Variants in WWP2 observed in about 807,000 individuals in gnomAD.
WWP2 encodes NEDD4-like E3 ubiquitin-protein ligase WWP2.
Under a neutral mutation model 121.0 loss-of-function variants are expected in WWP2, and 57 were observed. The observed-to-expected ratio is 0.47, with a 90% CI of 0.38 to 0.59. The LOEUF is 0.59. Among genes scored for constraint, WWP2 ranks in the 20% least tolerant of loss-of-function variants. The pLI, the probability that WWP2 is intolerant of heterozygous loss-of-function variation, is 0.00. For missense variants in WWP2, 962 were observed against 1,158.9 expected (o/e 0.83, Z 2.47); for synonymous variants, 449 against 441.3 (o/e 1.02, Z -0.22).
intron 1 of WWP2, among the ~76,000 whole-genome samples, chr16:69,784,075 TTTTC>T (rs1363443752): frequency 3.2e-4 from 42 of 129,968 alleles, no homozygotes; most frequent in South Asian, 7.5e-4. Flanking sequence ...ACTCTTTTCT[TTTTC>T]TTTCTTTCTT....
At chr16:69,826,517 A>G (rs1168205134) in intron 4 of WWP2, among the ~76,000 whole-genome samples, 1 of 149,998 alleles carries the variant, frequency 6.7e-6, no homozygotes, top group Non-Finnish European at 1.5e-5. Context: ...GGTTGCAGTA[A>G]GCCGAAATAG....
chr16:69,937,423 C>T lies in WWP2; in HGVS notation c.2239-125C>T. The T allele has an allele frequency of 7.4e-7, 1 of 1,347,136 alleles. No individual in the cohort carries two copies. The highest frequency in any genetic ancestry group is 2.4e-5 in the East Asian group (1 of 41,486). The allele number at this position is 1,347,136 out of a possible 1,614,324, so 83.4% of individuals were successfully genotyped here. A position where few individuals can be genotyped will look rare whatever the true frequency, so the allele number is the denominator to read the frequency against. On this transcript the variant is annotated intron_variant, in intron 20 of 23. Coordinates refer to ENST00000359154, the MANE Select transcript of WWP2 (RefSeq NM_001270454.2). This position sits in a 1 kb window ranked among gnomAD's most constrained non-coding sequence, Gnocchi z 6.6. Reference sequence around the variant, plus strand: ...TCAAGAAAGCAGGGACTTACATTACCCATATTATTAACGCTGACACCAAAA... The same window carrying T: ...TCAAGAAAGCAGGGACTTACATTACTCATATTATTAACGCTGACACCAAAA...
chr16:69,815,783 T>C (rs2056478446), intron 4 of WWP2, among the ~76,000 whole-genome samples: 1 of 144,912 alleles, frequency 6.9e-6, no homozygotes. Context: ...CAAGACTCCG[T>C]CTCGAAAAAA....
chr16:69,930,062 C>T, intron 12 of WWP2, 68 bp from the exon 13 acceptor site: 1 of 1,605,378 alleles, frequency 6.2e-7, no homozygotes, highest in Non-Finnish European at 8.5e-7. Context: ...CTTTGAGGAC[C>T]CAGCCTCCAA....
rs1327246609 is a variant in WWP2, at chr16:69,903,779, AAAGAAAG to A, written c.915-4979_915-4973del. ...AAGAATCTGTCTCAAAAAAAAAAAAAAAGAAAGAAAGAAAAATGTGTTTAAGTTTTGT... is the reference window on the plus strand; with the variant it reads ...AAGAATCTGTCTCAAAAAAAAAAAAAAAAGAAAAATGTGTTTAAGTTTTGT... On this transcript the variant is annotated intron_variant, in intron 8 of 23. Transcript: ENST00000359154. 1.9e-3 allele frequency among the ~76,000 whole-genome samples: 293 copies of A among 152,024 alleles called. 6 individuals are homozygous for A. Among genetic ancestry groups the A allele is most frequent in the African/African-American group, 6.4e-3 (266 of 41,402 alleles).
At chr16:69,828,003 C>T (rs1173262240) in intron 4 of WWP2, 1 of 433,328 alleles carries the variant, frequency 2.3e-6, no homozygotes, top group South Asian at 1.7e-5. Context: ...GAGACTCCTT[C>T]TGGGGTACCT....
intron 6 of WWP2, among the ~76,000 whole-genome samples, chr16:69,855,374 C>G (rs548260221): frequency 6.6e-6 from 1 of 152,290 alleles, no homozygotes; most frequent in East Asian, 1.9e-4. Context: ...GCTGCAATGA[C>G]AGTCACCAAA....
At chr16:69,822,607 G>C (rs907901183) in intron 4 of WWP2, among the ~76,000 whole-genome samples, 1 of 151,968 alleles carries the variant, frequency 6.6e-6, no homozygotes, top group African/African-American at 2.4e-5. Flanking sequence ...TGGAGGAAGT[G>C]ACACCTGGAC....
At chr16:69,772,634 T>C (rs1026270372) in intron 1 of WWP2, among the ~76,000 whole-genome samples, 1 of 152,030 alleles carries the variant, frequency 6.6e-6, no homozygotes, top group African/African-American at 2.4e-5. Flanking sequence ...AGTTAAGGAG[T>C]GGGCTATTAG....
chr16:69,939,850 T>A lies in WWP2; in HGVS notation c.2523T>A (p.Arg841=). 6.2e-7 allele frequency: 1 copy of A among 1,613,748 alleles called. No individual in the cohort carries two copies. The highest frequency in any genetic ancestry group is 8.5e-7 in the Non-Finnish European group (1 of 1,179,866). ...WLPRSHTCFN[R]LDLPPYKSYE... ...TCCCCACTCTCAATAGCTTCAACCG[T>A]CTGGATCTTCCACCCTACAAGAGCT... is the stretch of plus-strand genomic sequence containing the variant. The change falls in exon 24 of 24, where the codon CGT becomes CGA. Residue 841 remains arginine, a synonymous_variant. Coordinates refer to ENST00000359154, the MANE Select transcript of WWP2 (RefSeq NM_001270454.2).
intron 2 of WWP2, among the ~76,000 whole-genome samples, chr16:69,789,875 T>G (rs68161338): frequency 0.32 from 48,281 of 152,096 alleles, 9,407 homozygotes; most frequent in Non-Finnish European, 0.43. Flanking sequence ...AGTAAAAAAA[T>G]CCACATGTAA....
intron 1 of WWP2, among the ~76,000 whole-genome samples, chr16:69,786,424 C>G (rs2055791159): frequency 6.7e-6 from 1 of 149,894 alleles, no homozygotes; most frequent in Admixed American, 6.7e-5. Context: ...CAGGCATGAG[C>G]CACTGCGCCC....
At chr16:69,872,358 AGGCGCCCACTGCCACGCCC>A (rs2151917290) in intron 7 of WWP2, among the ~76,000 whole-genome samples, 1 of 151,992 alleles carries the variant, frequency 6.6e-6, no homozygotes, top group East Asian at 1.9e-4. Flanking sequence ...CTGGGACTAC[AGGCGCCCACTGCCACGCCC>A]GGCTAATTTT....
chr16:69,815,655 C>T (rs976393655), intron 4 of WWP2, among the ~76,000 whole-genome samples: 24 of 151,630 alleles, frequency 1.6e-4, no homozygotes, highest in Non-Finnish European at 2.9e-4. Context: ...GGTGTGGTGG[C>T]GGGTCCCTGT....
At position 69,837,888 on chromosome 16, in the gene WWP2, G is replaced by C. The variant is rs541152416; in HGVS notation, c.341-2238G>C. 2.6e-5 allele frequency among the ~76,000 whole-genome samples: 4 copies of C among 152,216 alleles called. No homozygotes were observed. The South Asian group carries it at 8.3e-4, about 32-fold the overall frequency. Reference sequence around the variant, plus strand: ...GATTCTGTGGTCACAGCCCAAAAAAGTCTCAGAAGGATCAGAAGGATCAAG... The same window carrying C: ...GATTCTGTGGTCACAGCCCAAAAAACTCTCAGAAGGATCAGAAGGATCAAG... On this transcript the variant is annotated intron_variant, in intron 4 of 23. Coordinates refer to ENST00000359154, the MANE Select transcript of WWP2 (RefSeq NM_001270454.2).
At chr16:69,931,110 T>G (rs778189712) in intron 13 of WWP2, 42 bp from the exon 14 acceptor site, 73 of 1,593,842 alleles carry the variant, frequency 4.6e-5, no homozygotes, top group Non-Finnish European at 5.8e-5. Context: ...GTTCATTTTC[T>G]GAGAAATCGC....
intron 4 of WWP2, among the ~76,000 whole-genome samples, chr16:69,813,338 T>G (rs1276317176): frequency 2.0e-5 from 3 of 152,122 alleles, no homozygotes; most frequent in Non-Finnish European, 2.9e-5. Flanking sequence ...AATTTTATAT[T>G]TTTAGTGGAG....
At chr16:69,795,833 A>G (rs914223315) in intron 2 of WWP2, among the ~76,000 whole-genome samples, 5 of 151,458 alleles carry the variant, frequency 3.3e-5, no homozygotes, top group Middle Eastern at 3.2e-3. Context: ...TTTTTGGTAG[A>G]GACAGGGTTT....
At chr16:69,907,163 A>G (rs2058307425) in intron 8 of WWP2, among the ~76,000 whole-genome samples, 1 of 152,284 alleles carries the variant, frequency 6.6e-6, no homozygotes, top group Middle Eastern at 3.4e-3. Flanking sequence ...GCTATCTGAA[A>G]TCAGATGGGA....
Sources: allele counts gnomAD v4.1 joint callset (sites outside exome capture counted in the v4.1 genomes callset), GRCh38; gene constraint gnomAD v4.1.1; non-coding constraint Gnocchi (gnomAD v3.1); transcripts MANE v1.5; gene names NCBI Gene and HGNC (gene_info 2026-07-23, HGNC 2026-07-21).